Variants in NRXN3 observed in about 807,000 individuals in gnomAD.
NRXN3 encodes the protein neurexin III.
A neutral mutation model predicts 137.6 loss-of-function variants in NRXN3; 32 were observed. That is an observed-to-expected ratio of 0.23 (90% CI 0.18 to 0.31). The LOEUF (loss-of-function observed/expected upper bound fraction) is 0.31, where lower values mean the gene tolerates loss of function less well. NRXN3 is among the 10% of genes least tolerant of loss of function. NRXN3 has a pLI of 1.00. For missense variants in NRXN3, 1,574 were observed against 2,062.5 expected (o/e 0.76, Z 4.59); for synonymous variants, 798 against 784.5 (o/e 1.02, Z -0.29).
In NRXN3 at chr14:78,275,140, C is replaced by G. The variant is rs60734556; in HGVS notation, c.710-3505C>G. On this transcript the variant is annotated intron_variant, in intron 2 of 20. Transcript: ENST00000335750. ...TCCTCAGAAAGACCTCTTTAACTAC[C>G]TTCTCTAAAATGGGGATACTCTGCT... Among the ~76,000 whole-genome samples the G allele has an allele frequency of 1.4e-3, 218 of 152,260 alleles. 2 individuals carry two copies. The highest frequency in any genetic ancestry group is 5.1e-3 in the African/African-American group (210 of 41,546).
chr14:79,684,526 G>A (rs561552337), intron 17 of NRXN3, among the ~76,000 whole-genome samples: 1 of 152,230 alleles, frequency 6.6e-6, no homozygotes, highest in African/African-American at 2.4e-5. Flanking sequence ...CAATTCTATA[G>A]GATGTATACA....
In NRXN3 at chr14:79,073,805, T is replaced by C. The variant is rs1054422556; in HGVS notation, c.3262+85664T>C. On this transcript the variant is annotated intron_variant, in intron 15 of 20. Transcript: ENST00000335750. ...GTCTTTTGTAAAGTAGCATACATAG[T>C]AAAGTATCAAGAAAACATTTTCTCA... 2.0e-5 allele frequency among the ~76,000 whole-genome samples: 3 copies of C among 152,186 alleles called. No homozygotes were observed. In the South Asian group the frequency reaches 6.2e-4, roughly 32 times the overall value.
At chr14:79,232,762 G>A (rs2153277008) in intron 15 of NRXN3, among the ~76,000 whole-genome samples, 1 of 152,184 alleles carries the variant, frequency 6.6e-6, no homozygotes, top group East Asian at 1.9e-4. Context: ...TGGTCAGGAA[G>A]GAATTTTCAC....
At chr14:78,513,998 G>T (rs923846112) in intron 4 of NRXN3, among the ~76,000 whole-genome samples, 26 of 152,086 alleles carry the variant, frequency 1.7e-4, no homozygotes, top group African/African-American at 6.3e-4. Flanking sequence ...CTCTTGCTCA[G>T]ATCTAGGAAT....
intron 6 of NRXN3, among the ~76,000 whole-genome samples, chr14:78,677,378 G>A (rs1368764147): frequency 3.3e-5 from 5 of 152,026 alleles, no homozygotes; most frequent in Admixed American, 3.3e-4. Flanking sequence ...TGACTTTGAG[G>A]AGTTCAAGAC....
chr14:78,810,792 C>T (rs1205213930), intron 10 of NRXN3, among the ~76,000 whole-genome samples: 1 of 152,170 alleles, frequency 6.6e-6, no homozygotes, highest in Non-Finnish European at 1.5e-5. Context: ...CATTTCTTTC[C>T]CAGTATTTAT....
intron 20 of NRXN3, among the ~76,000 whole-genome samples, chr14:79,822,809 A>AAACG: frequency 6.7e-6 from 1 of 149,026 alleles, no homozygotes; most frequent in African/African-American, 2.5e-5. Flanking sequence ...ATAGATTTCC[A>AAACG]AACAAACAAA....
chr14:79,493,643 A>C (rs1214014336), intron 16 of NRXN3, among the ~76,000 whole-genome samples: 1 of 152,202 alleles, frequency 6.6e-6, no homozygotes, highest in Admixed American at 6.5e-5. Flanking sequence ...ATTTTATTCC[A>C]ACTATGATCT....
intron 4 of NRXN3, among the ~76,000 whole-genome samples, chr14:78,473,587 T>C (rs963906232): frequency 1.3e-5 from 2 of 152,216 alleles, no homozygotes; most frequent in Non-Finnish European, 2.9e-5. Flanking sequence ...GCTACTGCTA[T>C]GTAGCAAATC....
chr14:78,963,588 T>G (rs31420), intron 11 of NRXN3, among the ~76,000 whole-genome samples: 40,860 of 152,052 alleles, frequency 0.27, 10,013 homozygotes, highest in African/African-American at 0.64. Flanking sequence ...TTTCACAGCC[T>G]GTCTGATTTT....
intron 15 of NRXN3, among the ~76,000 whole-genome samples, chr14:79,379,993 G>A (rs532256190): frequency 4.0e-5 from 6 of 151,832 alleles, no homozygotes; most frequent in African/African-American, 1.2e-4. Flanking sequence ...AACAATCTAG[G>A]ATTTCTGGAT....
At chr14:78,760,916 T>G (rs531609169) in intron 8 of NRXN3, among the ~76,000 whole-genome samples, 24 of 152,190 alleles carry the variant, frequency 1.6e-4, no homozygotes, top group Non-Finnish European at 2.9e-5. Flanking sequence ...AACAAGATCT[T>G]GATTATTGAC....
intron 15 of NRXN3, among the ~76,000 whole-genome samples, chr14:79,123,120 G>A (rs1481723973): frequency 8.5e-5 from 13 of 152,138 alleles, no homozygotes; most frequent in Non-Finnish European, 1.9e-4. Context: ...ATGCTAATTA[G>A]AGGGTAGACT....
At chr14:78,648,599 A>G (rs904480111) in intron 5 of NRXN3, among the ~76,000 whole-genome samples, 7 of 152,210 alleles carry the variant, frequency 4.6e-5, no homozygotes, top group African/African-American at 9.7e-5. Flanking sequence ...ATCCACAAAA[A>G]TGAAATAGGC....
intron 4 of NRXN3, among the ~76,000 whole-genome samples, chr14:78,412,559 A>T (rs542435656): frequency 6.6e-6 from 1 of 152,276 alleles, no homozygotes; most frequent in African/African-American, 2.4e-5. Flanking sequence ...TAGAACATAC[A>T]TATTATTATT....
At chr14:79,009,535 A>T (rs1339808419) in intron 15 of NRXN3, among the ~76,000 whole-genome samples, 3 of 152,014 alleles carry the variant, frequency 2.0e-5, no homozygotes, top group Non-Finnish European at 4.4e-5. Context: ...GTCTATAGGG[A>T]GGTGCTGTGG....
chr14:78,693,349 T>C (rs2098191888), intron 6 of NRXN3, among the ~76,000 whole-genome samples: 1 of 151,868 alleles, frequency 6.6e-6, no homozygotes, highest in Admixed American at 6.6e-5. Flanking sequence ...CTTCTCTTAG[T>C]TGGATTTTTT....
chr14:79,296,357 A>T (rs1421639362), intron 15 of NRXN3, among the ~76,000 whole-genome samples: 1 of 152,130 alleles, frequency 6.6e-6, no homozygotes, highest in Non-Finnish European at 1.5e-5. Flanking sequence ...TAGGTCATTA[A>T]AAAGTGCTTC....
intron 15 of NRXN3, chr14:79,074,604 C>G (rs1246915257): frequency 2.0e-5 from 3 of 152,226 alleles, no homozygotes; most frequent in Non-Finnish European, 2.9e-5. Flanking sequence ...CCTGAGCAGA[C>G]CTTGGGAATC....
Sources: gnomAD v4.1 joint callset for allele counts (sites outside exome capture counted in the v4.1 genomes callset) on GRCh38, gnomAD v4.1.1 for gene constraint, MANE v1.5 for transcripts, NCBI Gene and HGNC (gene_info 2026-07-23, HGNC 2026-07-21) for gene names.